PKD1: variants seen among roughly 807,000 people sequenced by gnomAD.
PKD1 encodes polycystin-1.
Under a neutral mutation model 361.7 loss-of-function variants are expected in PKD1, and 81 were observed. The ratio of observed to expected loss-of-function variants is 0.22; its 90% CI spans 0.19 to 0.27. PKD1 has a LOEUF of 0.27. PKD1 is among the 10% of genes least tolerant of loss of function. The pLI, the probability that PKD1 is intolerant of heterozygous loss-of-function variation, is 1.00. For synonymous variants in PKD1, 3,615 were observed against 2,818.3 expected, an observed-to-expected ratio of 1.28 and a Z score of -8.95; for missense variants, 6,399 against 6,118.3, an observed-to-expected ratio of 1.05 and a Z score of -1.53.
rs1450509381 is a variant in PKD1, at chr16:2,108,304, T to A, written c.6863A>T (p.Asp2288Val). 6 of 1,602,088 alleles carry A rather than the reference T, an allele frequency of 3.7e-6. No individual in the cohort carries two copies. Among genetic ancestry groups the A allele is most frequent in the Non-Finnish European group, 5.1e-6 (6 of 1,173,298 alleles). The change falls in exon 15 of 46, where the codon GAC becomes GTC. Residue 2288 changes from aspartate to valine, a missense_variant. By Grantham distance (152) the Asp-to-Val change is radical. Coordinates refer to ENST00000262304, the MANE Select transcript of PKD1 (RefSeq NM_001009944.3). The stretch of plus-strand genomic sequence containing the variant: ...GAAACTGAGCGGCGTCTGGTCGCCG[T>A]CCTCCAGGTTGGGGTCGTAGGACTC... ...GSESYDPNLEDGDQTPLSFHW... is the reference protein window; with the variant it reads ...GSESYDPNLEVGDQTPLSFHW...
At chr16:2,096,872 T>C (rs111630430) in intron 34 of PKD1, 4 of 536,270 alleles carry the variant, frequency 7.5e-6, no homozygotes, top group South Asian at 2.4e-5. Flanking sequence ...GAGACCAAGA[T>C]AAAAACGTGG....
In PKD1 at chr16:2,092,518, A is replaced by C. The variant is rs749641623; in HGVS notation, c.11231T>G (p.Leu3744Arg). Residue 3744 changes from leucine to arginine, a missense_variant, in exon 39 of 46, where the codon CTG becomes CGG. Leu to Arg is a moderately radical substitution (Grantham distance 102). Coordinates refer to ENST00000262304, the MANE Select transcript of PKD1 (RefSeq NM_001009944.3). ...CACCTGCCGCAGCCGTGGGGGCCCC[A>C]GCTCTGGGCTGGACTGGTTCCCGTG... ...YVHGNQSSPELGPPRLRQVRL... is the reference protein window; with the variant it reads ...YVHGNQSSPERGPPRLRQVRL... 44 of 1,612,508 alleles carry C rather than the reference A, an allele frequency of 2.7e-5. No individual in the cohort carries two copies. The highest frequency in any genetic ancestry group is 6.7e-5 in the East Asian group (3 of 44,884).
chr16:2,109,940 C>A lies in PKD1; in HGVS notation c.5227G>T (p.Ala1743Ser). The change falls in exon 15 of 46, where the codon GCT (alanine) becomes TCT (serine). Residue 1743 changes from alanine (A) to serine (S), a missense_variant. By Grantham distance (99) the Ala-to-Ser change is moderately conservative. Coordinates refer to ENST00000262304, the MANE Select transcript of PKD1 (RefSeq NM_001009944.3). ...NTSVTLSAELAGGSGVVYTWS... is the reference protein window; with the variant it reads ...NTSVTLSAELSGGSGVVYTWS... ...GTGTATACGACACCACTGCCACCAG[C>A]CAGCTCGGCACTGAGGGTGACGCTT... 1 of 1,610,338 alleles carries A rather than the reference C, an allele frequency of 6.2e-7. No individual in the cohort carries two copies. The highest frequency in any genetic ancestry group is 8.5e-7 in the Non-Finnish European group (1 of 1,179,610).
Position 2,107,828 on chromosome 16 carries a change from G to A in PKD1, c.7065+55C>T, listed in dbSNP as rs1469021913. On this transcript the variant is annotated intron_variant, in intron 16 of 45. Transcript: ENST00000262304. ...CACTAAAACACGGAAAACAGTAGAT[G>A]ACCAGGGAGGCTGGGCTGTCCAAGG... 97 of 1,511,552 alleles carry A rather than the reference G, an allele frequency of 6.4e-5. 4 individuals are homozygous for A. The highest frequency in any genetic ancestry group is 4.1e-4 in the African/African-American group (30 of 72,584). 93.6% of individuals were successfully genotyped at this position (1,511,552 alleles called of 1,614,324 possible).
rs1433571284 is a variant in PKD1, at chr16:2,103,486, G to C, written c.8571C>G (p.Ala2857=). The C allele has an allele frequency of 6.2e-7, 1 of 1,602,452 alleles. No individual in the cohort carries two copies. Among genetic ancestry groups the C allele is most frequent in the South Asian group, 1.1e-5 (1 of 90,986 alleles). Residue 2857 remains alanine, a synonymous_variant, in exon 23 of 46, where the codon GCC becomes GCG. Coordinates refer to ENST00000262304, the MANE Select transcript of PKD1 (RefSeq NM_001009944.3). ...GCCGCTCGATGGGGATCTGGGCGCCGGCCTGTGTCTGGAATGCCATCGAGG... is the reference window on the plus strand; with the variant it reads ...GCCGCTCGATGGGGATCTGGGCGCCCGCCTGTGTCTGGAATGCCATCGAGG... ...KVASMAFQTQ[A]GAQIPIERLA...
rs778775293 is a variant in PKD1 at position 2,118,222 on chromosome 16, G to C, written c.770C>G (p.Pro257Arg). The change falls in exon 5 of 46, where the codon CCC becomes CGC. Residue 257 changes from proline to arginine, a missense_variant. Coordinates refer to ENST00000262304, the MANE Select transcript of PKD1 (RefSeq NM_001009944.3). This position sits in a 1 kb window ranked among gnomAD's most constrained non-coding sequence, Gnocchi z 6.0. ...GAGGAGGGTGGGGCCCCTACAGGTG[G>C]GGGCAGGAGGTGGCGGGGGGCCGGA... is the stretch of plus-strand genomic sequence containing the variant. Reference protein sequence around the residue: ...LCSGPPPPPAPTCRGPTLLQH... With the variant: ...LCSGPPPPPARTCRGPTLLQH... 2.6e-6 allele frequency: 4 copies of C among 1,533,258 alleles called. No homozygotes were observed. The highest frequency in any genetic ancestry group is 2.7e-5 in the African/African-American group (2 of 72,924). The allele number at this position is 1,533,258 out of a possible 1,614,324, so 95.0% of individuals were successfully genotyped here.
chr16:2,091,654 C>T (rs1567152565), intron 41 of PKD1, 57 bp from the exon 42 acceptor site: 7 of 1,555,704 alleles, frequency 4.5e-6, no homozygotes, highest in Non-Finnish European at 5.2e-6. Flanking sequence ...CTGCGGGGAC[C>T]GCGCAGTGCA....
At chr16:2,128,780 C>T (rs1350992914) in intron 1 of PKD1, among the ~76,000 whole-genome samples, 1 of 152,136 alleles carries the variant, frequency 6.6e-6, no homozygotes, top group East Asian at 1.9e-4. Flanking sequence ...TCTTGCCTCA[C>T]TGCGACCTCT....
chr16:2,095,690 C>G (rs534446889), intron 34 of PKD1, among the ~76,000 whole-genome samples: 1 of 152,246 alleles, frequency 6.6e-6, no homozygotes, highest in Non-Finnish European at 1.5e-5. Context: ...AGGACAAACC[C>G]AAGCCTCCGA....
Position 2,117,841 on chromosome 16 carries a change from C to T in PKD1, c.1151G>A (p.Gly384Asp), listed in dbSNP as rs927924905. 39 of 1,300,742 alleles carry T rather than the reference C, an allele frequency of 3.0e-5. No homozygotes were observed. In the African/African-American group the frequency reaches 4.7e-4, roughly 16 times the overall value. 80.6% of individuals were successfully genotyped at this position (1,300,742 alleles called of 1,614,324 possible). A position where few individuals can be genotyped will look rare whatever the true frequency, so the allele number is the denominator to read the frequency against. Residue 384 changes from glycine to aspartate, a missense_variant, in exon 5 of 46, where the codon GGC becomes GAC. Gly to Asp is a moderately conservative substitution (Grantham distance 94). Transcript: ENST00000262304. Reference sequence around the variant, plus strand: ...CACGATGCTGTAGGCGGCCTCCAGGCCTGAACCACCGCGGTTCTGGATGCT... The same window carrying T: ...CACGATGCTGTAGGCGGCCTCCAGGTCTGAACCACCGCGGTTCTGGATGCT... ...DLSIQNRGGS[G>D]LEAAYSIVAL...
intron 12 of PKD1, 36 bp from the exon 13 acceptor site, chr16:2,112,999 G>T (rs770704527): frequency 1.3e-6 from 2 of 1,575,136 alleles, no homozygotes; most frequent in Non-Finnish European, 8.6e-7. Context: ...CAGGTGGCAG[G>T]TGAGAGGCCT....
chr16:2,094,355 C>G, intron 34 of PKD1, 145 bp from the exon 35 acceptor site: 1 of 682,040 alleles, frequency 1.5e-6, no homozygotes, highest in Non-Finnish European at 2.7e-6. Flanking sequence ...CTACCCCAAA[C>G]GAGAGTGGGA....
rs532247261 is a variant in PKD1 at position 2,088,896 on chromosome 16, C to G, written c.*831G>C. 7 of 434,212 alleles carry G rather than the reference C, an allele frequency of 1.6e-5. No individual in the cohort carries two copies. In the East Asian group the frequency reaches 2.4e-4, roughly 15 times the overall value. 26.9% of individuals were successfully genotyped at this position (434,212 alleles called of 1,614,324 possible). A position where few individuals can be genotyped will look rare whatever the true frequency, so the allele number is the denominator to read the frequency against. ...GTGCGCGCGCGCACACACACACACA[C>G]ACAGTCACCTTCCTCCACCCTGGGA... On this transcript the variant is annotated 3_prime_UTR_variant, in exon 46 of 46. Coordinates refer to ENST00000262304, the MANE Select transcript of PKD1 (RefSeq NM_001009944.3).
rs1179126511 is a variant in PKD1 at position 2,088,742 on chromosome 16, G to A, written c.*985C>T. 1.5e-6 allele frequency: 2 copies of A among 1,293,076 alleles called. No homozygotes were observed. Among genetic ancestry groups the A allele is most frequent in the Non-Finnish European group, 2.1e-6 (2 of 945,674 alleles). The allele number at this position is 1,293,076 out of a possible 1,614,324, so 80.1% of individuals were successfully genotyped here. A position where few individuals can be genotyped will look rare whatever the true frequency, so the allele number is the denominator to read the frequency against. On this transcript the variant is annotated 3_prime_UTR_variant, in exon 46 of 46. Transcript: ENST00000262304. The stretch of plus-strand genomic sequence containing the variant: ...GACAGCTCTTTTATTGACTTTGTCT[G>A]CTTGGTGCGGGGGTTGGGGGGGTGT...
rs748294066 is a variant in PKD1, at chr16:2,092,528, T to G, written c.11221A>C (p.Ser3741Arg). Reference sequence around the variant, plus strand: ...AGCCGTGGGGGCCCCAGCTCTGGGCTGGACTGGTTCCCGTGGACGTAGGGC... The same window carrying G: ...AGCCGTGGGGGCCCCAGCTCTGGGCGGGACTGGTTCCCGTGGACGTAGGGC... Reference protein sequence around the residue: ...LLPYVHGNQSSPELGPPRLRQ... With the variant: ...LLPYVHGNQSRPELGPPRLRQ... The change falls in exon 39 of 46, where the codon AGC becomes CGC. Residue 3741 changes from serine (S) to arginine (R), a missense_variant. Ser to Arg is a moderately radical substitution (Grantham distance 110). Transcript: ENST00000262304. 2.5e-6 allele frequency: 4 copies of G among 1,612,742 alleles called. No homozygotes were observed. The highest frequency in any genetic ancestry group is 3.4e-6 in the Non-Finnish European group (4 of 1,179,878).
In PKD1 at chr16:2,100,316, AG is replaced by A. The variant is rs1213823096; in HGVS notation, c.9569-8del. 5.6e-6 allele frequency: 9 copies of A among 1,609,980 alleles called. No homozygotes were observed. Among genetic ancestry groups the A allele is most frequent in the Middle Eastern group, 2.2e-4 (1 of 4,450 alleles). On this transcript the variant is annotated splice_region_variant and splice_polypyrimidine_tract_variant and intron_variant, in intron 27 of 45. Transcript: ENST00000262304. This position sits in a 1 kb window ranked among gnomAD's most constrained non-coding sequence, Gnocchi z 4.4. ...AACCAGGCAGGGCTGAGCCCTGCAG[AG>A]GCGCAGGAGGGAGGTCAGGCTCGCA...
chr16:2,112,301 C>G (rs2092534398), intron 14 of PKD1, 39 bp downstream of exon 14: 10 of 1,560,554 alleles, frequency 6.4e-6, no homozygotes, highest in Admixed American at 1.7e-5. Flanking sequence ...GTGCTCAGAG[C>G]CTGAAAGGCA....
chr16:2,102,492 C>T lies in PKD1; in HGVS notation c.9090G>A (p.Leu3030=), dbSNP rs750365867. The change falls in exon 25 of 46, where the codon CTG becomes CTA. Residue 3030 remains leucine (L), a synonymous_variant. Transcript: ENST00000262304. The part of the protein sequence containing the change: ...EEDMVWRTEG[L]LPLEETSPRQ... Reference sequence around the variant, plus strand: ...GGGGCGAGGTCTCCTCCAGGGGCAGCAGCCCCTCTGTCCGCCACACCATGT... The same window carrying T: ...GGGGCGAGGTCTCCTCCAGGGGCAGTAGCCCCTCTGTCCGCCACACCATGT... The T allele has an allele frequency of 1.9e-6, 3 of 1,579,086 alleles. No homozygotes were observed. The highest frequency in any genetic ancestry group is 2.6e-6 in the Non-Finnish European group (3 of 1,164,460).
Position 2,108,732 on chromosome 16 carries a change from G to C in PKD1, c.6435C>G (p.Ala2145=). 1 of 1,572,890 alleles carries C rather than the reference G, an allele frequency of 6.4e-7. No homozygotes were observed. Among genetic ancestry groups the C allele is most frequent in the Non-Finnish European group, 8.6e-7 (1 of 1,160,230 alleles). ...AQATVTVQVL[A]CREPEVDVVL... ...CCACGTCCACCTCCGGCTCCCGGCA[G>C]GCCAGCACCTGGACGGTCACCGTGG... is the stretch of plus-strand genomic sequence containing the variant. Residue 2145 remains alanine (A), a synonymous_variant, in exon 15 of 46, where the codon GCC becomes GCG. Transcript: ENST00000262304.
Sources: gnomAD v4.1 joint callset for allele counts (sites outside exome capture counted in the v4.1 genomes callset) on GRCh38, gnomAD v4.1.1 for gene constraint, Gnocchi (gnomAD v3.1) non-coding constraint, MANE v1.5 for transcripts, NCBI Gene and HGNC (gene_info 2026-07-23, HGNC 2026-07-21) for gene names.